The following NCAPG2 variants were observed in gnomAD, a reference collection of about 807,000 sequenced individuals.
NCAPG2 encodes the protein condensin-2 complex subunit G2.
Under a neutral mutation model 141.1 loss-of-function variants are expected in NCAPG2, and 53 were observed. The observed-to-expected ratio is 0.38, with a 90% confidence interval of 0.30 to 0.47. The LOEUF (loss-of-function observed/expected upper bound fraction) is 0.47, where lower values mean the gene tolerates loss of function less well. Ranked by LOEUF, NCAPG2 falls within the 20% of genes least tolerant of loss-of-function variation. The probability of loss-of-function intolerance (pLI) is 0.99; values close to 1 mark genes in which losing one functional copy is unlikely to be tolerated. For missense variants in NCAPG2, 1,087 were observed against 1,389.0 expected, an observed-to-expected ratio of 0.78 and a Z score of 3.46; for synonymous variants, 499 against 490.7, an observed-to-expected ratio of 1.02 and a Z score of -0.22.
chr7:158,690,021 T>C, intron 5 of NCAPG2, 68 bp from the exon 6 acceptor site: 6 of 1,212,444 alleles, frequency 4.9e-6, no homozygotes, highest in Non-Finnish European at 5.4e-6. Context: ...AAATCAAGTA[T>C]ATTTTATATC....
At chr7:158,694,051 TG>T (rs1835287111) in intron 2 of NCAPG2, among the ~76,000 whole-genome samples, 1 of 152,144 alleles carries the variant, frequency 6.6e-6, no homozygotes, top group African/African-American at 2.4e-5. Context: ...TAGCCAAATT[TG>T]GAACAATGTG....
chr7:158,649,551 T>G (rs1245866766), intron 24 of NCAPG2, among the ~76,000 whole-genome samples: 1 of 152,212 alleles, frequency 6.6e-6, no homozygotes, highest in Non-Finnish European at 1.5e-5. Context: ...GCTACATAGC[T>G]CACCGGAATA....
At position 158,655,059 on chromosome 7, in the gene NCAPG2, A is replaced by G. The variant is rs1301555094; in HGVS notation, c.2646+59T>C. 26 of 1,514,372 alleles carry G rather than the reference A, an allele frequency of 1.7e-5. No homozygotes were observed. The Admixed American group carries it at 5.7e-4, about 33-fold the overall frequency. 93.8% of individuals were successfully genotyped at this position (1,514,372 alleles called of 1,614,324 possible). On this transcript the variant is annotated intron_variant, in intron 21 of 27. Coordinates refer to ENST00000356309, the MANE Select transcript of NCAPG2 (RefSeq NM_017760.7). ...TTACCACTCTAAAGTAGAAAATGAAATCCTGAAACATAACAAACTTGGTAA... is the reference window on the plus strand; with the variant it reads ...TTACCACTCTAAAGTAGAAAATGAAGTCCTGAAACATAACAAACTTGGTAA...
intron 13 of NCAPG2, among the ~76,000 whole-genome samples, chr7:158,669,303 G>A (rs1833520998): frequency 6.6e-6 from 1 of 152,102 alleles, no homozygotes; most frequent in Non-Finnish European, 1.5e-5. Context: ...GGATTCCTGG[G>A]TCAAATGGTA....
chr7:158,654,604 T>G lies in NCAPG2; in HGVS notation c.2737A>C (p.Met913Leu). The G allele has an allele frequency of 6.2e-7, 1 of 1,613,852 alleles. No individual in the cohort carries two copies. The highest frequency in any genetic ancestry group is 8.5e-7 in the Non-Finnish European group (1 of 1,179,898). The change falls in exon 22 of 28, where the codon ATG (methionine) becomes CTG (leucine). Residue 913 changes from methionine (M) to leucine (L), a missense_variant. By Grantham distance (15) the Met-to-Leu change is conservative. Transcript: ENST00000356309. ...ACAGCCCTGACTGTACCTGTTTGCA[T>G]GATTCCAAGACTCCGCTGTAAGAGT... ...MQLLQRSLGIMQTVKGFFYVS... is the reference protein window; with the variant it reads ...MQLLQRSLGILQTVKGFFYVS...
At position 158,658,401 on chromosome 7, in the gene NCAPG2, C is replaced by A. The variant is rs370630902; in HGVS notation, c.1997G>T (p.Arg666Leu). Reference protein sequence around the residue: ...PEYLKVFKDDRCKIPLFMLMS... With the variant: ...PEYLKVFKDDLCKIPLFMLMS... ...TAGCATGAATAAAGGGATCTTGCAG[C>A]GATCATCCTAAAAGCGAAAAAAGAA... Residue 666 changes from arginine to leucine, a missense_variant, in exon 17 of 28, where the codon CGC becomes CTC. Arg to Leu is a moderately radical substitution (Grantham distance 102, BLOSUM62 -2). Transcript: ENST00000356309. 5.0e-6 allele frequency: 8 copies of A among 1,609,358 alleles called. No homozygotes were observed. The highest frequency in any genetic ancestry group is 5.1e-6 in the Non-Finnish European group (6 of 1,177,456).
rs979408457 is a variant in NCAPG2 at position 158,675,981 on chromosome 7, C to T, written c.1147-325G>A. Among the ~76,000 whole-genome samples, 8 of 152,264 alleles carry T rather than the reference C, an allele frequency of 5.3e-5. No homozygotes were observed. The East Asian group carries it at 5.8e-4, about 11-fold the overall frequency. ...GATTAGGCATGGCCCACGTACACCA[C>T]GCTTTTGAATTCTAAAATGCTGTAA... On this transcript the variant is annotated intron_variant, in intron 11 of 27. Transcript: ENST00000356309.
intron 27 of NCAPG2, among the ~76,000 whole-genome samples, chr7:158,644,063 T>A (rs1052161422): frequency 1.3e-5 from 2 of 152,244 alleles, no homozygotes; most frequent in Non-Finnish European, 2.9e-5. Flanking sequence ...TTTTCTACAG[T>A]AGAATTTTGC....
chr7:158,640,052 C>CAAAAA (rs58368997), intron 27 of NCAPG2: 55 of 98,220 alleles, frequency 5.6e-4, no homozygotes, highest in East Asian at 5.9e-4. Context: ...GAATAAATGC[C>CAAAAA]AAAAAAAAAA....
Position 158,668,268 on chromosome 7 carries a change from G to GC in NCAPG2, c.1479+3245dup, listed in dbSNP as rs1202203558. 1.1e-4 allele frequency: 79 copies of GC among 693,172 alleles called. 4 individuals carry two copies. Among genetic ancestry groups the GC allele is most frequent in the Admixed American group, 5.5e-4 (3 of 5,412 alleles). 42.9% of individuals were successfully genotyped at this position (693,172 alleles called of 1,614,324 possible). A position where few individuals can be genotyped will look rare whatever the true frequency, so the allele number is the denominator to read the frequency against. ...TCCTTACCCACTACTGGGTCCCTCT[G>GC]CCCTCCTTACCTACCTTGTGTCCCT... On this transcript the variant is annotated intron_variant, in intron 13 of 27. Transcript: ENST00000356309.
intron 26 of NCAPG2, among the ~76,000 whole-genome samples, chr7:158,645,092 T>C (rs2129457408): frequency 6.6e-6 from 1 of 152,322 alleles, no homozygotes; most frequent in Middle Eastern, 3.4e-3. Flanking sequence ...ATATTCAGAA[T>C]AGGCAAGGCT....
intron 13 of NCAPG2, among the ~76,000 whole-genome samples, chr7:158,671,202 A>ACTCTCCAGAAGTG (rs1278317602): frequency 6.6e-6 from 1 of 151,536 alleles, no homozygotes; most frequent in African/African-American, 2.4e-5. Flanking sequence ...CATACTAGAC[A>ACTCTCCAGAAGTG]CTCTCCAGAA....
intron 3 of NCAPG2, 81 bp from the exon 4 acceptor site, chr7:158,693,037 T>A: frequency 9.5e-7 from 1 of 1,057,056 alleles, no homozygotes; most frequent in South Asian, 1.5e-5. Flanking sequence ...CAGTTACAAA[T>A]TTTCTAAAAA....
intron 27 of NCAPG2, among the ~76,000 whole-genome samples, chr7:158,643,575 A>G (rs1261641510): frequency 1.3e-5 from 2 of 152,224 alleles, no homozygotes; most frequent in African/African-American, 4.8e-5. Context: ...GTTTATTCAC[A>G]AATTAGGAGT....
chr7:158,668,561 TAC>T (rs1309918467), intron 13 of NCAPG2: 4 of 508,090 alleles, frequency 7.9e-6, no homozygotes, highest in Non-Finnish European at 1.0e-5. Flanking sequence ...GTGGCCTGGA[TAC>T]AGTTTAGATA....
In NCAPG2 at chr7:158,645,547, A is replaced by C. The variant is rs1449881818; in HGVS notation, c.3252T>G (p.Ala1084=). ...CATTAATAACCAGGATAATATGCAC[A>C]GCAGCCGTGAGGCACACAATGCCTT... ...DIEGIVCLTA[A]VHIILVINAG... Residue 1084 remains alanine, a synonymous_variant, in exon 26 of 28, where the codon GCT becomes GCG. Coordinates refer to ENST00000356309, the MANE Select transcript of NCAPG2 (RefSeq NM_017760.7). 1 of 1,614,276 alleles carries C rather than the reference A, an allele frequency of 6.2e-7. No individual in the cohort carries two copies. Among genetic ancestry groups the C allele is most frequent in the South Asian group, 1.1e-5 (1 of 91,088 alleles).
At chr7:158,637,030 T>C (rs143596033) in intron 27 of NCAPG2, among the ~76,000 whole-genome samples, 3,657 of 151,336 alleles carry the variant, frequency 0.024, 154 homozygotes, top group African/African-American at 0.078. Flanking sequence ...TCACTGCAAG[T>C]TCCGCCTCCC....
chr7:158,655,458 G>A lies in NCAPG2; in HGVS notation c.2389-3C>T, dbSNP rs779271502. On this transcript the variant is annotated splice_region_variant and splice_polypyrimidine_tract_variant and intron_variant, in intron 19 of 27. Transcript: ENST00000356309. Reference sequence around the variant, plus strand: ...TGCAGAAGTGACTCCAGATCTGCCTGTAATAGAAAAAACCCAAGGGCCACA... The same window carrying A: ...TGCAGAAGTGACTCCAGATCTGCCTATAATAGAAAAAACCCAAGGGCCACA... 4 of 1,613,146 alleles carry A rather than the reference G, an allele frequency of 2.5e-6. No homozygotes were observed. The highest frequency in any genetic ancestry group is 1.7e-5 in the Admixed American group (1 of 60,004).
chr7:158,665,184 T>G (rs1411131922), intron 13 of NCAPG2: 1 of 169,310 alleles, frequency 5.9e-6, no homozygotes, highest in Non-Finnish European at 1.3e-5. Flanking sequence ...GCATCACTCC[T>G]GAATCCCTGG....
Sources: allele counts gnomAD v4.1 joint callset (sites outside exome capture counted in the v4.1 genomes callset), GRCh38; gene constraint gnomAD v4.1.1; transcripts MANE v1.5; gene names NCBI Gene and HGNC (gene_info 2026-07-23, HGNC 2026-07-21).